Variants in NKAIN3 observed in about 807,000 individuals in gnomAD.
NKAIN3 encodes the protein sodium/potassium transporting ATPase interacting 3, also known as sodium/potassium-transporting ATPase subunit beta-1-interacting protein 3.
Under a neutral mutation model 30.2 loss-of-function variants are expected in NKAIN3, and 25 were observed. The ratio of observed to expected loss-of-function variants is 0.83; its 90% CI spans 0.60 to 1.16. The LOEUF (loss-of-function observed/expected upper bound fraction) is 1.16, where lower values mean the gene tolerates loss of function less well. Ranked by LOEUF, NKAIN3 falls within the 50% of genes most tolerant of loss-of-function variation. The pLI, the probability that NKAIN3 is intolerant of heterozygous loss-of-function variation, is 0.00. For missense variants in NKAIN3, 225 were observed against 254.1 expected, an observed-to-expected ratio of 0.89 and a Z score of 0.78; for synonymous variants, 91 against 89.6, an observed-to-expected ratio of 1.02 and a Z score of -0.09.
At chr8:62,446,591 C>T (rs1434695703) in intron 1 of NKAIN3, among the ~76,000 whole-genome samples, 3 of 152,066 alleles carry the variant, frequency 2.0e-5, no homozygotes, top group Non-Finnish European at 4.4e-5. Flanking sequence ...CAAACTGAAA[C>T]TCTATGTCCA....
intron 4 of NKAIN3, among the ~76,000 whole-genome samples, chr8:62,874,872 C>A (rs1820747465): frequency 6.6e-6 from 1 of 152,148 alleles, no homozygotes; most frequent in African/African-American, 2.4e-5. Flanking sequence ...ATTGAATGGG[C>A]AAAAGCTGGA....
chr8:62,573,336 G>T (rs567811109), intron 1 of NKAIN3, among the ~76,000 whole-genome samples: 249 of 152,256 alleles, frequency 1.6e-3, no homozygotes, highest in African/African-American at 5.7e-3. Context: ...ATGAGCTAGG[G>T]TTTCATTCCT....
chr8:62,570,650 G>C (rs542063896), intron 1 of NKAIN3, among the ~76,000 whole-genome samples: 15 of 152,206 alleles, frequency 9.9e-5, no homozygotes, highest in Non-Finnish European at 1.9e-4. Flanking sequence ...TCTCCCACCA[G>C]GTCCCTCCCA....
At chr8:62,488,437 C>A (rs368189483) in intron 1 of NKAIN3, among the ~76,000 whole-genome samples, 1 of 152,186 alleles carries the variant, frequency 6.6e-6, no homozygotes, top group African/African-American at 2.4e-5. Flanking sequence ...CTGTTCATTG[C>A]CCCATCCCTA....
At chr8:62,922,848 C>T (rs1396639616) in intron 5 of NKAIN3, among the ~76,000 whole-genome samples, 5 of 151,886 alleles carry the variant, frequency 3.3e-5, no homozygotes, top group South Asian at 4.1e-4. Context: ...GATCCTGAAA[C>T]ATTTTCCTAA....
chr8:62,359,401 A>G (rs1364918405), intron 1 of NKAIN3, among the ~76,000 whole-genome samples: 1 of 152,198 alleles, frequency 6.6e-6, no homozygotes, highest in East Asian at 1.9e-4. Flanking sequence ...TGTAGCTTAT[A>G]TGTGATGTCA....
Position 62,763,259 on chromosome 8 carries a change from A to AAAAAAC in NKAIN3, c.471+16132_471+16133insAAACAA, listed in dbSNP as rs1563551311. On this transcript the variant is annotated intron_variant, in intron 4 of 6. Transcript: ENST00000623646. ...AAAAAAAAAAAAAAAAAAAAAAAAA[A>AAAAAAC]AACTTATATAGTCAGCCTAAAAAGA... Among the ~76,000 whole-genome samples the AAAAAAC allele has an allele frequency of 3.6e-5, 5 of 140,380 alleles. 1 individual carries two copies. Among genetic ancestry groups the AAAAAAC allele is most frequent in the African/African-American group, 1.4e-4 (5 of 36,094 alleles). The allele number at this position is 140,380 out of a possible 152,430, so 92.1% of individuals were successfully genotyped here. A position where few individuals can be genotyped will look rare whatever the true frequency, so the allele number is the denominator to read the frequency against.
chr8:62,624,593 C>T (rs758548394), intron 3 of NKAIN3, among the ~76,000 whole-genome samples: 6 of 151,012 alleles, frequency 4.0e-5, no homozygotes, highest in South Asian at 2.1e-4. Context: ...GTTTGTTTGA[C>T]GTTTATCTGT....
intron 1 of NKAIN3, among the ~76,000 whole-genome samples, chr8:62,565,748 A>AG (rs147168353): frequency 0.014 from 2,110 of 152,264 alleles, 42 homozygotes; most frequent in African/African-American, 0.044. Flanking sequence ...GAATATATTG[A>AG]AAGTCAAAAA....
At chr8:62,813,909 G>C (rs949486474) in intron 4 of NKAIN3, among the ~76,000 whole-genome samples, 1 of 152,004 alleles carries the variant, frequency 6.6e-6, no homozygotes, top group African/African-American at 2.4e-5. Flanking sequence ...TAGCCTTGCT[G>C]TATATAATAT....
chr8:62,403,173 A>T (rs1392857955), intron 1 of NKAIN3, among the ~76,000 whole-genome samples: 1 of 152,180 alleles, frequency 6.6e-6, no homozygotes, highest in Non-Finnish European at 1.5e-5. Context: ...TGGACTTGAG[A>T]GAGATTATTT....
intron 4 of NKAIN3, among the ~76,000 whole-genome samples, chr8:62,788,312 G>GT (rs1331099001): frequency 6.6e-6 from 1 of 152,154 alleles, no homozygotes; most frequent in Non-Finnish European, 1.5e-5. Context: ...TTTTTCATGT[G>GT]TTTTTTGGCT....
Position 62,249,024 on chromosome 8 carries a change from G to C in NKAIN3, c.-50G>C. ...TCCGGAGTCAGGAGGCAGCAGCGGC[G>C]GAGGACGAGGATCTCTGGCAGTCAG... On this transcript the variant is annotated 5_prime_UTR_variant, in exon 1 of 7. Transcript: ENST00000623646. 2 of 1,498,320 alleles carry C rather than the reference G, an allele frequency of 1.3e-6. No homozygotes were observed. Among genetic ancestry groups the C allele is most frequent in the Non-Finnish European group, 1.8e-6 (2 of 1,113,956 alleles). The allele number at this position is 1,498,320 out of a possible 1,614,324, so 92.8% of individuals were successfully genotyped here. A position where few individuals can be genotyped will look rare whatever the true frequency, so the allele number is the denominator to read the frequency against.
chr8:62,452,473 C>T (rs1000031100), intron 1 of NKAIN3, among the ~76,000 whole-genome samples: 1 of 151,852 alleles, frequency 6.6e-6, no homozygotes, highest in African/African-American at 2.4e-5. Context: ...GAGACTCTGT[C>T]TCAAAAATAA....
chr8:62,543,471 A>T (rs1255112725), intron 1 of NKAIN3, among the ~76,000 whole-genome samples: 1 of 152,192 alleles, frequency 6.6e-6, no homozygotes, highest in African/African-American at 2.4e-5. Flanking sequence ...ATGTTGCTCA[A>T]TAGCTTCAAT....
intron 1 of NKAIN3, among the ~76,000 whole-genome samples, chr8:62,531,310 T>C (rs1239926365): frequency 1.3e-5 from 2 of 152,188 alleles, no homozygotes; most frequent in South Asian, 2.1e-4. Context: ...CCTTTCTATC[T>C]GTTGTGAAAA....
intron 1 of NKAIN3, among the ~76,000 whole-genome samples, chr8:62,346,355 C>A (rs1051604698): frequency 2.0e-5 from 3 of 151,782 alleles, no homozygotes; most frequent in African/African-American, 7.3e-5. Context: ...CTTATGATGC[C>A]AATTATAAGT....
intron 1 of NKAIN3, among the ~76,000 whole-genome samples, chr8:62,473,695 G>A (rs1163741027): frequency 6.6e-6 from 1 of 151,950 alleles, no homozygotes; most frequent in Non-Finnish European, 1.5e-5. Context: ...GTTTCTCCTG[G>A]TACTTGTCTG....
At chr8:62,542,874 A>G (rs1180135067) in intron 1 of NKAIN3, among the ~76,000 whole-genome samples, 1 of 152,148 alleles carries the variant, frequency 6.6e-6, no homozygotes, top group Non-Finnish European at 1.5e-5. Flanking sequence ...AGCAATGTGT[A>G]GTAATTTCCA....
Sources: allele counts gnomAD v4.1 joint callset (sites outside exome capture counted in the v4.1 genomes callset), GRCh38; gene constraint gnomAD v4.1.1; transcripts MANE v1.5; gene names NCBI Gene and HGNC (gene_info 2026-07-23, HGNC 2026-07-21).